The following ADGRL2 variants were observed in gnomAD, a reference collection of about 807,000 sequenced individuals.
The protein encoded by ADGRL2 is adhesion G protein-coupled receptor L2.
Under a neutral mutation model 157.4 loss-of-function variants are expected in ADGRL2, and 44 were observed. The ratio of observed to expected loss-of-function variants is 0.28; its 90% CI spans 0.22 to 0.36. The LOEUF is 0.36. Ranked by LOEUF, ADGRL2 falls within the 10% of genes least tolerant of loss-of-function variation. The pLI, the probability that ADGRL2 is intolerant of heterozygous loss-of-function variation, is 1.00. For synonymous variants in ADGRL2, 585 were observed against 624.7 expected (o/e 0.94, Z 0.95); for missense variants, 1,510 against 1,768.9 (o/e 0.85, Z 2.63).
chr1:81,980,009 A>G, intron 18 of ADGRL2, 49 bp downstream of exon 18: 1 of 1,028,278 alleles, frequency 9.7e-7, no homozygotes, highest in East Asian at 2.5e-5. Context: ...TAAGTAAAAG[A>G]TACTCTCCAC....
In ADGRL2 at chr1:81,943,171, A is replaced by T; in HGVS notation, c.612A>T (p.Thr204=). 6.2e-7 allele frequency: 1 copy of T among 1,613,618 alleles called. No individual in the cohort carries two copies. The highest frequency in any genetic ancestry group is 8.5e-7 in the Non-Finnish European group (1 of 1,179,646). ...EDFQNSRQTT[T]YKLPNRVDGT... is the part of the protein sequence containing the mutation. ...TCCAAAATAGTCGCCAAACAACAACATATAAACTTCCAAATCGAGTAGATG... is the reference window on the plus strand; with the variant it reads ...TCCAAAATAGTCGCCAAACAACAACTTATAAACTTCCAAATCGAGTAGATG... Residue 204 remains threonine (T), a synonymous_variant, in exon 6 of 24, where the codon ACA becomes ACT. Transcript: ENST00000686636. This position sits in a 1 kb window ranked among gnomAD's most constrained non-coding sequence, Gnocchi z 5.6.
chr1:81,792,629 A>C (rs2087402951), intron 2 of ADGRL2, among the ~76,000 whole-genome samples: 1 of 152,206 alleles, frequency 6.6e-6, no homozygotes, highest in South Asian at 2.1e-4. Context: ...AGGTTTTATG[A>C]GAGATAAACT....
intron 3 of ADGRL2, among the ~76,000 whole-genome samples, chr1:81,690,226 C>T (rs1234241465): frequency 1.3e-5 from 2 of 152,206 alleles, no homozygotes; most frequent in Non-Finnish European, 2.9e-5. Context: ...GGCATAGTGG[C>T]TCACACCTGT....
intron 2 of ADGRL2, chr1:81,557,467 G>GAAAGAAAGAGAGA (rs1553123680): frequency 8.2e-6 from 1 of 122,094 alleles, no homozygotes; most frequent in African/African-American, 3.1e-5. Flanking sequence ...AAGAAAGAAA[G>GAAAGAAAGAGAGA]AAGAAAGAAA....
intron 2 of ADGRL2, among the ~76,000 whole-genome samples, chr1:81,470,114 T>A (rs1410494002): frequency 2.0e-5 from 3 of 152,198 alleles, no homozygotes; most frequent in Non-Finnish European, 4.4e-5. Context: ...TTCAACAACC[T>A]ATTTTATTCT....
At chr1:81,987,120 A>G (rs1663390945) in intron 22 of ADGRL2, 91 bp downstream of exon 22, 2 of 1,469,330 alleles carry the variant, frequency 1.4e-6, no homozygotes, top group Non-Finnish European at 1.8e-6. Context: ...AAGTTGTCAT[A>G]TATTTATTGT....
chr1:81,356,971 A>AAAAAAAAAG (rs80327519), intron 1 of ADGRL2, among the ~76,000 whole-genome samples: 14,295 of 97,216 alleles, frequency 0.15, 1,984 homozygotes, highest in South Asian at 0.29. Flanking sequence ...AAAAAAAAAA[A>AAAAAAAAAG]AAGAAGTTGT....
intron 3 of ADGRL2, chr1:81,596,180 T>C (rs1004501082): frequency 1.9e-6 from 1 of 517,358 alleles, no homozygotes. Context: ...ACTTCCACTT[T>C]AACTCCTGGC....
chr1:81,483,095 C>A (rs964742724), intron 2 of ADGRL2, among the ~76,000 whole-genome samples: 1 of 152,084 alleles, frequency 6.6e-6, no homozygotes, highest in Non-Finnish European at 1.5e-5. Context: ...CCTCAGAACC[C>A]AGACTCACCA....
chr1:81,495,140 A>G (rs2078706160), intron 2 of ADGRL2, among the ~76,000 whole-genome samples: 1 of 152,116 alleles, frequency 6.6e-6, no homozygotes, highest in South Asian at 2.1e-4. Context: ...TACTTTGCCC[A>G]CAGAGGAATA....
rs1435974369 is a variant in ADGRL2, at chr1:81,650,438, T to C, written c.-143+69458T>C. Reference sequence around the variant, plus strand: ...AAAAAATACAAAAATTAGCTGGGCATGGTGGCACACGCCCATAATTCCAGC... The same window carrying C: ...AAAAAATACAAAAATTAGCTGGGCACGGTGGCACACGCCCATAATTCCAGC... On this transcript the variant is annotated intron_variant, in intron 3 of 24. Coordinates refer to the ADGRL2 transcript ENST00000370721. Among the ~76,000 whole-genome samples the C allele has an allele frequency of 3.3e-5, 5 of 151,166 alleles. No individual in the cohort carries two copies. The East Asian group carries it at 9.7e-4, about 29-fold the overall frequency.
intron 6 of ADGRL2, among the ~76,000 whole-genome samples, chr1:81,949,487 A>T (rs1047817396): frequency 6.6e-6 from 1 of 152,240 alleles, no homozygotes; most frequent in African/African-American, 2.4e-5. Context: ...ATTAGGCATG[A>T]TTTGATCTGA....
intron 1 of ADGRL2, among the ~76,000 whole-genome samples, chr1:81,371,400 C>T (rs1198471685): frequency 6.6e-6 from 1 of 151,980 alleles, no homozygotes; most frequent in African/African-American, 2.4e-5. Flanking sequence ...AGAAAAGTAT[C>T]AATAAAAAAG....
chr1:81,837,232 T>C (rs1198373248), intron 2 of ADGRL2, among the ~76,000 whole-genome samples, 175 bp downstream of exon 2: 1 of 152,042 alleles, frequency 6.6e-6, no homozygotes, highest in African/African-American at 2.4e-5. Flanking sequence ...AACACAGATA[T>C]GATATAGAAA....
chr1:81,327,620 T>C (rs147839773), intron 1 of ADGRL2, among the ~76,000 whole-genome samples: 1 of 152,326 alleles, frequency 6.6e-6, no homozygotes, highest in East Asian at 1.9e-4. Context: ...TAAACTTTAA[T>C]AAGGTTTATT....
At chr1:81,376,052 A>G (rs12119311) in intron 1 of ADGRL2, among the ~76,000 whole-genome samples, 8,566 of 152,276 alleles carry the variant, frequency 0.056, 304 homozygotes, top group Middle Eastern at 0.12. Flanking sequence ...CCTTAGGTGG[A>G]CTGACCCCTG....
chr1:81,478,032 G>C (rs1305719787), intron 2 of ADGRL2, among the ~76,000 whole-genome samples: 2 of 151,990 alleles, frequency 1.3e-5, no homozygotes, highest in Admixed American at 1.3e-4. Flanking sequence ...TAATTTTTTT[G>C]CATTGTTTAT....
At chr1:81,810,053 G>T (rs2089665745) in intron 1 of ADGRL2, among the ~76,000 whole-genome samples, 1 of 151,832 alleles carries the variant, frequency 6.6e-6, no homozygotes, top group Admixed American at 6.6e-5. Context: ...ACTGCTGGGG[G>T]TGGGTTAGGT....
chr1:81,440,762 G>C (rs1424565187), intron 1 of ADGRL2, among the ~76,000 whole-genome samples: 1 of 152,190 alleles, frequency 6.6e-6, no homozygotes, highest in Non-Finnish European at 1.5e-5. Flanking sequence ...GAGGCTCCAA[G>C]TTTCTAATTT....
Sources: allele counts gnomAD v4.1 joint callset (sites outside exome capture counted in the v4.1 genomes callset), GRCh38; gene constraint gnomAD v4.1.1; non-coding constraint Gnocchi (gnomAD v3.1); transcripts MANE v1.5; gene names NCBI Gene and HGNC (gene_info 2026-07-23, HGNC 2026-07-21).